LDLRAD3: variants seen among roughly 807,000 people sequenced by gnomAD.
The protein encoded by LDLRAD3 is low density lipoprotein receptor class A domain containing 3, also known as low-density lipoprotein receptor class A domain-containing protein 3.
In LDLRAD3, 20 loss-of-function variants were observed where a neutral mutation model predicts 29.4. The observed-to-expected ratio is 0.68, with a 90% CI of 0.48 to 0.99. The LOEUF is 0.99. Ranked by LOEUF, LDLRAD3 falls within the 50% of genes least tolerant of loss-of-function variation. The pLI, the probability that LDLRAD3 is intolerant of heterozygous loss-of-function variation, is 0.00. For synonymous variants in LDLRAD3, 157 were observed against 192.7 expected (o/e 0.81, Z 1.53); for missense variants, 420 against 454.3 (o/e 0.92, Z 0.69).
chr11:35,983,527 T>C (rs1398287897), intron 1 of LDLRAD3, among the ~76,000 whole-genome samples: 1 of 152,244 alleles, frequency 6.6e-6, no homozygotes, highest in Non-Finnish European at 1.5e-5. Context: ...TGGCAACACC[T>C]AGACCCCTGT....
intron 3 of LDLRAD3, among the ~76,000 whole-genome samples, chr11:36,090,575 A>G (rs1024259843): frequency 1.3e-5 from 2 of 152,208 alleles, no homozygotes; most frequent in African/African-American, 4.8e-5. Flanking sequence ...AACCATGTCC[A>G]GGAAGCCTTT....
At chr11:36,001,290 G>A (rs1044042246) in intron 1 of LDLRAD3, 1 of 152,168 alleles carries the variant, frequency 6.6e-6, no homozygotes. Flanking sequence ...CCATGTTGGT[G>A]TGCCGCACCC....
At chr11:36,211,303 G>C (rs545531980) in intron 4 of LDLRAD3, among the ~76,000 whole-genome samples, 1 of 152,350 alleles carries the variant, frequency 6.6e-6, no homozygotes, top group East Asian at 1.9e-4. Flanking sequence ...CAGGCAGGTT[G>C]TAGAAGAGCC....
intron 4 of LDLRAD3, among the ~76,000 whole-genome samples, chr11:36,178,583 C>T (rs1225534480): frequency 6.6e-6 from 1 of 152,132 alleles, no homozygotes; most frequent in Non-Finnish European, 1.5e-5. Context: ...TGGACATATA[C>T]CCCACCTCTA....
In LDLRAD3 at chr11:36,027,289, C is replaced by T. The variant is rs144817097; in HGVS notation, c.47-8814C>T. On this transcript the variant is annotated intron_variant, in intron 1 of 5. Transcript: ENST00000315571. ...TAAGTGGCTATTTGAGTTTCCTCAT[C>T]GGTGAAAGTACCTGTTCATGGGCTT... Among the ~76,000 whole-genome samples the T allele has an allele frequency of 3.6e-4, 55 of 152,284 alleles. 1 individual carries two copies. Among genetic ancestry groups the T allele is most frequent in the Middle Eastern group, 3.4e-3 (1 of 294 alleles).
chr11:35,990,381 C>T (rs1851672651), intron 1 of LDLRAD3, among the ~76,000 whole-genome samples: 1 of 151,940 alleles, frequency 6.6e-6, no homozygotes, highest in Admixed American at 6.6e-5. Flanking sequence ...GAATCTGTGG[C>T]ATTCCTTGGC....
At chr11:36,204,228 G>T (rs1171179894) in intron 4 of LDLRAD3, among the ~76,000 whole-genome samples, 1 of 152,118 alleles carries the variant, frequency 6.6e-6, no homozygotes, top group East Asian at 1.9e-4. Flanking sequence ...AACATCCTGG[G>T]TATCCCCTTG....
intron 1 of LDLRAD3, among the ~76,000 whole-genome samples, chr11:35,989,715 G>C (rs1312078818): frequency 1.3e-5 from 2 of 152,108 alleles, no homozygotes; most frequent in Non-Finnish European, 2.9e-5. Flanking sequence ...GAATGTTATT[G>C]GTGGGTAGAA....
intron 1 of LDLRAD3, chr11:36,010,300 G>T (rs1381703773): frequency 6.5e-6 from 1 of 154,360 alleles, no homozygotes; most frequent in Non-Finnish European, 1.5e-5. Context: ...TCTGCCTTCA[G>T]CAAATAGTCA....
intron 1 of LDLRAD3, among the ~76,000 whole-genome samples, chr11:35,993,748 G>A (rs1480889922): frequency 6.6e-6 from 1 of 152,020 alleles, no homozygotes; most frequent in Non-Finnish European, 1.5e-5. Context: ...GCCCAGATGA[G>A]TGGTATATTT....
At chr11:36,016,301 C>G (rs758368971) in intron 1 of LDLRAD3, among the ~76,000 whole-genome samples, 11 of 152,210 alleles carry the variant, frequency 7.2e-5, no homozygotes, top group Non-Finnish European at 1.6e-4. Flanking sequence ...ACAGGTTTCT[C>G]CAAGTGATTC....
chr11:36,084,388 G>T (rs558430601), intron 3 of LDLRAD3, among the ~76,000 whole-genome samples: 1 of 152,142 alleles, frequency 6.6e-6, no homozygotes, highest in Non-Finnish European at 1.5e-5. Context: ...AGAGTGTGAG[G>T]TGGGAGGATT....
chr11:36,112,072 T>C (rs973158156), intron 4 of LDLRAD3, among the ~76,000 whole-genome samples: 4 of 152,024 alleles, frequency 2.6e-5, no homozygotes, highest in African/African-American at 9.7e-5. Context: ...TAAGAAAATT[T>C]ATTTGTACCT....
At chr11:36,024,210 A>G (rs550009688) in intron 1 of LDLRAD3, among the ~76,000 whole-genome samples, 1 of 152,300 alleles carries the variant, frequency 6.6e-6, no homozygotes, top group East Asian at 1.9e-4. Flanking sequence ...AAGGAGTAAC[A>G]TATACTAGTA....
intron 4 of LDLRAD3, among the ~76,000 whole-genome samples, chr11:36,159,796 A>G (rs11033472): frequency 0.047 from 7,189 of 151,812 alleles, 218 homozygotes; most frequent in Non-Finnish European, 0.061. Flanking sequence ...AGGGGACAAG[A>G]ATCAAGGTGG....
chr11:35,953,496 T>A (rs1851163226), intron 1 of LDLRAD3, among the ~76,000 whole-genome samples: 1 of 152,228 alleles, frequency 6.6e-6, no homozygotes. Context: ...CGAGTGAGTT[T>A]GGCTTAGCGA....
chr11:36,181,695 A>T (rs1245203876), intron 4 of LDLRAD3, among the ~76,000 whole-genome samples: 1 of 152,192 alleles, frequency 6.6e-6, no homozygotes, highest in Non-Finnish European at 1.5e-5. Context: ...CTTTGAATAC[A>T]CTGCCGTATT....
chr11:36,045,472 C>G (rs1852436075), intron 2 of LDLRAD3, among the ~76,000 whole-genome samples: 1 of 152,194 alleles, frequency 6.6e-6, no homozygotes, highest in South Asian at 2.1e-4. Flanking sequence ...CGTGGTTTCT[C>G]TGAAGGTTCT....
intron 1 of LDLRAD3, among the ~76,000 whole-genome samples, chr11:35,965,067 TA>T (rs1427954502): frequency 6.6e-6 from 1 of 150,540 alleles, no homozygotes; most frequent in African/African-American, 2.4e-5. Context: ...ATTAGTATAA[TA>T]AACACAATTC....
Sources: gnomAD v4.1 joint callset for allele counts (sites outside exome capture counted in the v4.1 genomes callset) on GRCh38, gnomAD v4.1.1 for gene constraint, MANE v1.5 for transcripts, NCBI Gene and HGNC (gene_info 2026-07-23, HGNC 2026-07-21) for gene names.